The following ZNF329 variants were observed in gnomAD, a reference collection of about 807,000 sequenced individuals.
ZNF329 encodes the protein zinc finger protein 329.
A neutral mutation model predicts 26.6 loss-of-function variants in ZNF329; 15 were observed. The observed-to-expected ratio is 0.56, with a 90% confidence interval of 0.38 to 0.87. The LOEUF (loss-of-function observed/expected upper bound fraction) is 0.87, where lower values mean the gene tolerates loss of function less well. Ranked by LOEUF, ZNF329 falls within the 40% of genes least tolerant of loss-of-function variation. The probability of loss-of-function intolerance (pLI) is 0.00; values close to 1 mark genes in which losing one functional copy is unlikely to be tolerated. For missense variants in ZNF329, 651 were observed against 651.9 expected (o/e 1.00, Z 0.02); for synonymous variants, 239 against 233.5 (o/e 1.02, Z -0.21).
At chr19:58,149,912 G>A (rs1168398577) in intron 1 of ZNF329, among the ~76,000 whole-genome samples, 1 of 152,188 alleles carries the variant, frequency 6.6e-6, no homozygotes, top group Admixed American at 6.5e-5. Flanking sequence ...GTTTGAGGGA[G>A]AAGTGTTGTG....
At chr19:58,146,461 A>T (rs1004183747) in intron 1 of ZNF329, among the ~76,000 whole-genome samples, 1 of 149,710 alleles carries the variant, frequency 6.7e-6, no homozygotes, top group African/African-American at 2.5e-5. Context: ...GTGACGGAGT[A>T]AGATTCCATC....
At chr19:58,133,717 G>A (rs1361381249) in intron 3 of ZNF329, among the ~76,000 whole-genome samples, 2 of 152,086 alleles carry the variant, frequency 1.3e-5, no homozygotes, top group Admixed American at 6.6e-5. Flanking sequence ...GATGAATGTG[G>A]GCTAGGTGTG....
In ZNF329 at chr19:58,128,877, GC is replaced by G; in HGVS notation, c.626del (p.Gly209AlafsTer38). The G allele has an allele frequency of 6.2e-7, 1 of 1,613,838 alleles. No individual in the cohort carries two copies. The highest frequency in any genetic ancestry group is 2.2e-5 in the East Asian group (1 of 44,890). ...GAGAAGAGTTCCGTTTGAAGCATTT[GC>G]CACATTCAGTACATCTATATTGTTT... is the stretch of plus-strand genomic sequence containing the variant. Reference protein sequence around the residue: ...GEKQYRCTECGKCFKRNSSLV... With the variant: ...GEKQYRCTECXKCFKRNSSLV... On this transcript the variant is annotated frameshift_variant, in exon 4 of 4. Transcript: ENST00000598312. LOFTEE classifies it high-confidence loss of function.
At chr19:58,137,745 C>T (rs372498404) in intron 3 of ZNF329, among the ~76,000 whole-genome samples, 290 of 145,788 alleles carry the variant, frequency 2.0e-3, no homozygotes, top group African/African-American at 7.0e-3. Context: ...AGGTGGACTG[C>T]TTGAGGTCAG....
chr19:58,145,097 C>A (rs1200600414), intron 1 of ZNF329, among the ~76,000 whole-genome samples: 1 of 151,608 alleles, frequency 6.6e-6, no homozygotes, highest in Non-Finnish European at 1.5e-5. Flanking sequence ...GACCCGCCCG[C>A]CTCGGCCTCC....
Position 58,129,142 on chromosome 19 carries a change from T to C in ZNF329, c.362A>G (p.Asp121Gly). The C allele has an allele frequency of 6.2e-7, 1 of 1,614,164 alleles. No individual in the cohort carries two copies. Among genetic ancestry groups the C allele is most frequent in the South Asian group, 1.1e-5 (1 of 91,086 alleles). The change falls in exon 4 of 4, where the codon GAC (aspartate) becomes GGC (glycine). Residue 121 changes from aspartate (D) to glycine (G), a missense_variant. By Grantham distance (94) the Asp-to-Gly change is moderately conservative. Transcript: ENST00000598312. ...PKSYADKRTG[D>G]SDACGKGFNH... is the part of the protein sequence containing the mutation. Reference sequence around the variant, plus strand: ...GAAGCCTTTTCCACAGGCATCACTGTCACCAGTTCTCTTATCTGCATAACT... The same window carrying C: ...GAAGCCTTTTCCACAGGCATCACTGCCACCAGTTCTCTTATCTGCATAACT...
At chr19:58,134,164 G>A (rs547718586) in intron 3 of ZNF329, among the ~76,000 whole-genome samples, 1 of 152,162 alleles carries the variant, frequency 6.6e-6, no homozygotes, top group South Asian at 2.1e-4. Context: ...TCTGACTAGG[G>A]GGCAGATGTT....
chr19:58,145,179 T>A (rs958449387), intron 1 of ZNF329, among the ~76,000 whole-genome samples: 7 of 151,528 alleles, frequency 4.6e-5, no homozygotes, highest in Non-Finnish European at 7.4e-5. Context: ...TTGTAGAGAT[T>A]GGGTCTCACT....
chr19:58,147,343 C>T lies in ZNF329; in HGVS notation c.-208+3409G>A, dbSNP rs562105758. Among the ~76,000 whole-genome samples, 158 of 143,362 alleles carry T rather than the reference C, an allele frequency of 1.1e-3. 2 individuals are homozygous for T. Among genetic ancestry groups the T allele is most frequent in the African/African-American group, 4.0e-3 (153 of 37,992 alleles). 94.1% of individuals were successfully genotyped at this position (143,362 alleles called of 152,430 possible). ...CCGCCCCGTCTGAGAAGTGAGGAGC[C>T]CCTCCGCCCGGCAGCCACCCCGTCT... On this transcript the variant is annotated intron_variant, in intron 1 of 3. Coordinates refer to ENST00000598312, the MANE Select transcript of ZNF329 (RefSeq NM_024620.4).
At chr19:58,153,860 C>T (rs944708482), upstream of ZNF329, among the ~76,000 whole-genome samples, 1 of 152,062 alleles carries the variant, frequency 6.6e-6, no homozygotes, top group African/African-American at 2.4e-5. Flanking sequence ...AGGTGTACAC[C>T]ACCATGCCTG....
chr19:58,133,939 A>G (rs1441738910), intron 3 of ZNF329, among the ~76,000 whole-genome samples: 1 of 152,244 alleles, frequency 6.6e-6, no homozygotes, highest in Non-Finnish European at 1.5e-5. Context: ...AATATACTAG[A>G]CAACAGTGGC....
chr19:58,131,201 T>C (rs560091779), intron 3 of ZNF329, among the ~76,000 whole-genome samples: 36 of 152,104 alleles, frequency 2.4e-4, no homozygotes, highest in African/African-American at 7.5e-4. Flanking sequence ...GTTTAAATAA[T>C]GTAGTATGCC....
chr19:58,150,149 G>C (rs2075416710), intron 1 of ZNF329, among the ~76,000 whole-genome samples: 1 of 152,206 alleles, frequency 6.6e-6, no homozygotes, highest in Non-Finnish European at 1.5e-5. Context: ...CAAGGGAAAA[G>C]ACAGCAAAAT....
chr19:58,151,601 C>CAAAAA (rs555824584), upstream of ZNF329, among the ~76,000 whole-genome samples: 2 of 70,926 alleles, frequency 2.8e-5, no homozygotes, highest in Non-Finnish European at 3.0e-5. Context: ...GACTTCGTCT[C>CAAAAA]AAAAAAAAAA....
At chr19:58,144,394 A>ATT (rs932312099) in intron 1 of ZNF329, among the ~76,000 whole-genome samples, 5 of 113,500 alleles carry the variant, frequency 4.4e-5, no homozygotes, top group African/African-American at 1.0e-4. Context: ...ATATATATAT[A>ATT]TATTTTTTTT....
Position 58,128,271 on chromosome 19 carries a change from A to C in ZNF329, c.1233T>G (p.Ser411Arg). ...TCCTCTGATGCCTGATGAGGTACGC[A>C]CTCTCGATGAAAGTCTTGCCACATT... ...CKECGKTFIE[S>R]AYLIRHQRIH... Residue 411 changes from serine to arginine, a missense_variant, in exon 4 of 4, where the codon AGT becomes AGG. Ser to Arg is a moderately radical substitution (Grantham distance 110). Transcript: ENST00000598312. 6.2e-7 allele frequency: 1 copy of C among 1,608,604 alleles called. No homozygotes were observed. Among genetic ancestry groups the C allele is most frequent in the Non-Finnish European group, 8.5e-7 (1 of 1,177,156 alleles).
At chr19:58,153,410 A>C (rs537211626), upstream of ZNF329, among the ~76,000 whole-genome samples, 1 of 152,266 alleles carries the variant, frequency 6.6e-6, no homozygotes, top group Admixed American at 6.5e-5. Context: ...GCGCCTGGCC[A>C]CAAGTGTATA....
chr19:58,139,012 T>A (rs1307455465), intron 3 of ZNF329, among the ~76,000 whole-genome samples: 2 of 151,614 alleles, frequency 1.3e-5, no homozygotes, highest in Non-Finnish European at 2.9e-5. Flanking sequence ...AAATCAGACA[T>A]ATACAGGGTG....
At chr19:58,138,029 T>C (rs975129183) in intron 3 of ZNF329, among the ~76,000 whole-genome samples, 59 of 152,116 alleles carry the variant, frequency 3.9e-4, no homozygotes, top group African/African-American at 1.4e-3. Context: ...ATAAGTGATA[T>C]TAATTGTCAG....
Sources: allele counts gnomAD v4.1 joint callset (sites outside exome capture counted in the v4.1 genomes callset), GRCh38; gene constraint gnomAD v4.1.1; transcripts MANE v1.5; gene names NCBI Gene and HGNC (gene_info 2026-07-23, HGNC 2026-07-21).